Variants in CACNA1H observed in about 807,000 individuals in gnomAD.
CACNA1H encodes the protein calcium voltage-gated channel subunit alpha1 H.
CACNA1H carries 149 observed loss-of-function variants against 192.5 expected under a neutral mutation model. The ratio of observed to expected loss-of-function variants is 0.77; its 90% confidence interval spans 0.68 to 0.89. The LOEUF is 0.89. CACNA1H is among the 40% of genes least tolerant of loss of function. The pLI is 0.00. For synonymous variants in CACNA1H, 2,202 were observed against 1,475.2 expected (o/e 1.49, Z -11.29); for missense variants, 4,257 against 3,423.5 (o/e 1.24, Z -6.08).
rs374347307 is a variant in CACNA1H, at chr16:1,203,034, C to T, written c.2002+582C>T. ...GTTCCACACGGGCCTGGGGGCCCTT[C>T]CTGGTTCTGTACACAGATGTAGAGA... On this transcript the variant is annotated intron_variant, in intron 9 of 34. Transcript: ENST00000348261. Among the ~76,000 whole-genome samples the T allele has an allele frequency of 2.4e-4, 36 of 151,798 alleles. 1 individual carries two copies. The South Asian group carries it at 7.1e-3, about 30-fold the overall frequency.
chr16:1,188,884 T>C (rs575969133), intron 2 of CACNA1H, among the ~76,000 whole-genome samples: 1 of 152,268 alleles, frequency 6.6e-6, no homozygotes, highest in South Asian at 2.1e-4. Context: ...TTCAGCACCA[T>C]GGACAGCAGC....
intron 2 of CACNA1H, among the ~76,000 whole-genome samples, chr16:1,189,291 G>A (rs1431045857): frequency 6.6e-6 from 1 of 152,068 alleles, no homozygotes; most frequent in Non-Finnish European, 1.5e-5. Flanking sequence ...GAGTAGGAAG[G>A]GGGCTTAGCA....
intron 33 of CACNA1H, 76 bp downstream of exon 33, chr16:1,218,727 G>A: frequency 1.5e-6 from 2 of 1,343,000 alleles, no homozygotes; most frequent in Non-Finnish European, 2.0e-6. Flanking sequence ...GTGGGAGGGA[G>A]GATGGGGTCA....
At position 1,220,492 on chromosome 16, in the gene CACNA1H, T is replaced by C; in HGVS notation, c.6560T>C (p.Met2187Thr). The C allele has an allele frequency of 1.3e-6, 2 of 1,543,112 alleles. No homozygotes were observed. The highest frequency in any genetic ancestry group is 8.7e-7 in the Non-Finnish European group (1 of 1,153,446). The part of the protein sequence containing the change: ...PALGARRKKK[M>T]SPPCISVEPP... ...CTGGGTGCGCGCAGAAAGAAGAAGATGAGCCCCCCCTGCATCTCGGTGGAA... is the reference window on the plus strand; with the variant it reads ...CTGGGTGCGCGCAGAAAGAAGAAGACGAGCCCCCCCTGCATCTCGGTGGAA... Residue 2187 changes from methionine to threonine, a missense_variant, in exon 35 of 35, where the codon ATG (methionine) becomes ACG (threonine). Met to Thr is a moderately conservative substitution (Grantham distance 81, BLOSUM62 -1). Transcript: ENST00000348261.
intron 9 of CACNA1H, among the ~76,000 whole-genome samples, chr16:1,203,377 T>C (rs956973430): frequency 2.0e-5 from 3 of 152,116 alleles, no homozygotes; most frequent in Non-Finnish European, 4.4e-5. Flanking sequence ...CTGTGGCTGC[T>C]GGGAAGTGGC....
At chr16:1,192,208 C>G (rs567630377) in intron 2 of CACNA1H, among the ~76,000 whole-genome samples, 4 of 152,222 alleles carry the variant, frequency 2.6e-5, no homozygotes, top group Non-Finnish European at 4.4e-5. Context: ...TGGCTTCCCT[C>G]GCTGCCAGTC....
rs907484292 is a variant in CACNA1H at position 1,167,957 on chromosome 16, G to A, written c.299+13921G>A. 6.6e-6 allele frequency among the ~76,000 whole-genome samples: 1 copy of A among 152,210 alleles called. No individual in the cohort carries two copies. Among genetic ancestry groups the A allele is most frequent in the Admixed American group, 6.5e-5 (1 of 15,288 alleles). ...CTCAGGAGCCAGGCCTGTTCCCCGGGGCTGCCTGGAGGCGGCCGCTTGTCC... is the reference window on the plus strand; with the variant it reads ...CTCAGGAGCCAGGCCTGTTCCCCGGAGCTGCCTGGAGGCGGCCGCTTGTCC... On this transcript the variant is annotated intron_variant, in intron 2 of 34. Coordinates refer to ENST00000348261, the MANE Select transcript of CACNA1H (RefSeq NM_021098.3). This position sits in a 1 kb window ranked among gnomAD's most constrained non-coding sequence, Gnocchi z 4.2.
At chr16:1,176,476 G>T (rs11864866) in intron 2 of CACNA1H, among the ~76,000 whole-genome samples, 11,306 of 152,306 alleles carry the variant, frequency 0.074, 1,257 homozygotes, top group African/African-American at 0.24. Flanking sequence ...TCTGCAGGTG[G>T]GCATGGCAAT....
Position 1,220,512 on chromosome 16 carries a change from G to C in CACNA1H, c.6580G>C (p.Val2194Leu). ...GAAGATGAGCCCCCCCTGCATCTCG[G>C]TGGAACCCCCTGCGGAGGACGAGGG... The part of the protein sequence containing the change: ...KKKMSPPCIS[V>L]EPPAEDEGSA... The change falls in exon 35 of 35, where the codon GTG becomes CTG. Residue 2194 changes from valine to leucine, a missense_variant. Transcript: ENST00000348261. The C allele has an allele frequency of 6.5e-7, 1 of 1,540,450 alleles. No individual in the cohort carries two copies. Among genetic ancestry groups the C allele is most frequent in the Non-Finnish European group, 8.7e-7 (1 of 1,152,164 alleles).
At chr16:1,184,507 C>T (rs1965788305) in intron 2 of CACNA1H, among the ~76,000 whole-genome samples, 3 of 152,258 alleles carry the variant, frequency 2.0e-5, no homozygotes, top group African/African-American at 7.2e-5. Context: ...CCCTCACCCT[C>T]ATCCTCTGTG....
intron 2 of CACNA1H, among the ~76,000 whole-genome samples, chr16:1,169,262 G>C (rs1307632047): frequency 6.6e-6 from 1 of 152,150 alleles, no homozygotes; most frequent in East Asian, 1.9e-4. Flanking sequence ...GTTCACTGTG[G>C]GCGGCACCGT....
chr16:1,164,720 C>G (rs1167622795), intron 2 of CACNA1H, among the ~76,000 whole-genome samples: 1 of 152,190 alleles, frequency 6.6e-6, no homozygotes, highest in Admixed American at 6.5e-5. Context: ...TCTTGGCCCT[C>G]AAGCCCCGCA....
chr16:1,206,962 CTGCCTCCACCCTCAACACG>C lies in CACNA1H; in HGVS notation c.2790-38_2790-20del. 2.6e-6 allele frequency: 3 copies of C among 1,141,586 alleles called. No homozygotes were observed. Among genetic ancestry groups the C allele is most frequent in the Admixed American group, 4.0e-5 (2 of 49,658 alleles). The allele number at this position is 1,141,586 out of a possible 1,614,324, so 70.7% of individuals were successfully genotyped here. On this transcript the variant is annotated intron_variant, in intron 12 of 34. Transcript: ENST00000348261. ...CCACCTTCTTCCGCTCAGCACACCCCTGCCTCCACCCTCAACACGCCCCTGCCCCCACCCTCAGCATCCT... is the reference window on the plus strand; with the variant it reads ...CCACCTTCTTCCGCTCAGCACACCCCCCCCTGCCCCCACCCTCAGCATCCT...
Position 1,195,952 on chromosome 16 carries a change from A to G in CACNA1H, c.572A>G (p.His191Arg), listed in dbSNP as rs374407909. The G allele has an allele frequency of 6.2e-7, 1 of 1,613,076 alleles. No homozygotes were observed. Among genetic ancestry groups the G allele is most frequent in the African/African-American group, 1.3e-5 (1 of 75,046 alleles). ...AGMMEYSLDG[H>R]NVSLSAIRTV... ...ATGATGGAGTACTCGTTGGACGGACACAACGTGAGCCTCTCGGCTATCAGG... is the reference window on the plus strand; with the variant it reads ...ATGATGGAGTACTCGTTGGACGGACGCAACGTGAGCCTCTCGGCTATCAGG... The change falls in exon 5 of 35, where the codon CAC becomes CGC. Residue 191 changes from histidine (H) to arginine (R), a missense_variant. Physicochemically the swap from His to Arg is conservative, Grantham distance 29. Coordinates refer to ENST00000348261, the MANE Select transcript of CACNA1H (RefSeq NM_021098.3).
chr16:1,220,257 T>G lies in CACNA1H; in HGVS notation c.6325T>G (p.Cys2109Gly). 3 of 1,585,858 alleles carry G rather than the reference T, an allele frequency of 1.9e-6. No individual in the cohort carries two copies. Among genetic ancestry groups the G allele is most frequent in the East Asian group, 2.3e-5 (1 of 43,102 alleles). ...GGTCAGCCACATCACCAGCTCCGCC[T>G]GCCCCTGGCAGCCCACAGCCGAGCC... ...EEVSHITSSA[C>G]PWQPTAEPHG... The change falls in exon 35 of 35, where the codon TGC becomes GGC. Residue 2109 changes from cysteine to glycine, a missense_variant. By Grantham distance (159) the Cys-to-Gly change is radical (BLOSUM62 -3). Coordinates refer to ENST00000348261, the MANE Select transcript of CACNA1H (RefSeq NM_021098.3).
In CACNA1H at chr16:1,164,810, T is replaced by C. The variant is rs531251101; in HGVS notation, c.299+10774T>C. On this transcript the variant is annotated intron_variant, in intron 2 of 34. Transcript: ENST00000348261. ...ACTGGCCGGGCTCCGGATATGCTGCTTGGGGTGGAGGGCGGCTGTCCACAG... is the reference window on the plus strand; with the variant it reads ...ACTGGCCGGGCTCCGGATATGCTGCCTGGGGTGGAGGGCGGCTGTCCACAG... 2.6e-5 allele frequency among the ~76,000 whole-genome samples: 4 copies of C among 152,318 alleles called. No individual in the cohort carries two copies. The East Asian group carries it at 7.7e-4, about 29-fold the overall frequency.
chr16:1,220,856 A>G lies in CACNA1H; in HGVS notation c.6924A>G (p.Ser2308=), dbSNP rs193234629. 1.6e-5 allele frequency: 26 copies of G among 1,612,790 alleles called. No homozygotes were observed. The East Asian group carries it at 5.6e-4, about 35-fold the overall frequency. The part of the protein sequence containing the change: ...GAIVPLEPPE[S]EPPMPVGDPP... The stretch of plus-strand genomic sequence containing the variant: ...TAGTGCCCCTGGAACCCCCAGAATC[A>G]GAGCCTCCCATGCCCGTCGGTGACC... The change falls in exon 35 of 35, where the codon TCA becomes TCG. Residue 2308 remains serine, a synonymous_variant. Coordinates refer to ENST00000348261, the MANE Select transcript of CACNA1H (RefSeq NM_021098.3).
At chr16:1,156,989 C>G (rs917961314) in intron 2 of CACNA1H, 2 of 152,248 alleles carry the variant, frequency 1.3e-5, no homozygotes, top group African/African-American at 2.4e-5. Context: ...GCGAGCGCTG[C>G]TTCTCCTCCA....
intron 2 of CACNA1H, among the ~76,000 whole-genome samples, chr16:1,183,297 G>T (rs1965656251): frequency 1.3e-5 from 2 of 152,276 alleles, no homozygotes; most frequent in African/African-American, 2.4e-5. Context: ...AGCACAGAGG[G>T]GTTCTTAGGA....
Sources: gnomAD v4.1 joint callset for allele counts (sites outside exome capture counted in the v4.1 genomes callset) on GRCh38, gnomAD v4.1.1 for gene constraint, Gnocchi (gnomAD v3.1) non-coding constraint, MANE v1.5 for transcripts, NCBI Gene and HGNC (gene_info 2026-07-23, HGNC 2026-07-21) for gene names.